The following FCHO1 variants were observed in gnomAD, a reference collection of about 807,000 sequenced individuals.
FCHO1 encodes FCH and mu domain containing endocytic adaptor 1.
FCHO1 carries 45 observed loss-of-function variants against 114.4 expected under a neutral mutation model. That is an observed-to-expected ratio of 0.39 (90% CI 0.31 to 0.50). The LOEUF is 0.50. Ranked by LOEUF, FCHO1 falls within the 20% of genes least tolerant of loss-of-function variation. The pLI, the probability that FCHO1 is intolerant of heterozygous loss-of-function variation, is 0.77. For missense variants in FCHO1, 1,042 were observed against 1,209.6 expected (o/e 0.86, Z 2.06); for synonymous variants, 480 against 488.9 (o/e 0.98, Z 0.24).
intron 4 of FCHO1, among the ~76,000 whole-genome samples, chr19:17,758,040 C>T (rs1368235926): frequency 6.6e-6 from 1 of 151,446 alleles, no homozygotes; most frequent in Non-Finnish European, 1.5e-5. Flanking sequence ...ACAGTGAAAC[C>T]CCGTCTCTAC....
intron 4 of FCHO1, among the ~76,000 whole-genome samples, chr19:17,757,342 C>T (rs2084004397): frequency 6.6e-6 from 1 of 152,144 alleles, no homozygotes; most frequent in Admixed American, 6.6e-5. Flanking sequence ...GGGGGTTTGC[C>T]AGGTCTGGGA....
chr19:17,783,636 A>G (rs1198991812), intron 24 of FCHO1, among the ~76,000 whole-genome samples: 1 of 150,674 alleles, frequency 6.6e-6, no homozygotes, highest in Non-Finnish European at 1.5e-5. Flanking sequence ...GCTGGAGTGC[A>G]GTGGCGTGAT....
intron 4 of FCHO1, 44 bp downstream of exon 4, chr19:17,755,235 T>TGGG: frequency 6.4e-7 from 1 of 1,565,808 alleles, no homozygotes; most frequent in Non-Finnish European, 8.7e-7. Flanking sequence ...GGCAGGGCTG[T>TGGG]GGGGACTTTT....
At chr19:17,787,884 C>T (rs765711386) in intron 28 of FCHO1, 38 bp downstream of exon 28, 31 of 1,593,222 alleles carry the variant, frequency 1.9e-5, no homozygotes, top group Non-Finnish European at 2.2e-5. Flanking sequence ...CCTCAGGAGC[C>T]GAGATCTTAC....
chr19:17,766,862 G>A, intron 7 of FCHO1, 52 bp downstream of exon 7: 1 of 1,583,746 alleles, frequency 6.3e-7, no homozygotes, highest in Non-Finnish European at 8.6e-7. Context: ...AACACCGGCA[G>A]CTCACAGGAC....
Position 17,784,778 on chromosome 19 carries a change from G to T in FCHO1, c.2280G>T (p.Gln760His). ...SVPLQLSAHWQCGATLTQVSV... is the reference protein window; with the variant it reads ...SVPLQLSAHWHCGATLTQVSV... The stretch of plus-strand genomic sequence containing the variant: ...CTCTGCAGCTCAGTGCCCACTGGCA[G>T]TGTGGAGCCACCCTCACCCAGGTCT... Residue 760 changes from glutamine (Q) to histidine (H), a missense_variant, in exon 26 of 29, where the codon CAG becomes CAT. Coordinates refer to ENST00000596536, the MANE Select transcript of FCHO1 (RefSeq NM_015122.3). The surrounding 1 kb of genome is among the most constrained non-coding windows in gnomAD (Gnocchi z 5.3). The T allele has an allele frequency of 6.2e-7, 1 of 1,614,086 alleles. No individual in the cohort carries two copies. The highest frequency in any genetic ancestry group is 8.5e-7 in the Non-Finnish European group (1 of 1,180,026).
chr19:17,753,130 C>A (rs1347544458), intron 1 of FCHO1, among the ~76,000 whole-genome samples: 1 of 151,892 alleles, frequency 6.6e-6, no homozygotes, highest in African/African-American at 2.4e-5. Flanking sequence ...GGTTCCCATG[C>A]CAGTCAGCAC....
intron 1 of FCHO1, among the ~76,000 whole-genome samples, chr19:17,754,055 C>T (rs545953083): frequency 2.6e-4 from 39 of 152,286 alleles, no homozygotes; most frequent in Non-Finnish European, 4.0e-4. Context: ...GGGGAGGCCC[C>T]GGGAGCTTCC....
At position 17,784,690 on chromosome 19, in the gene FCHO1, A is replaced by G. The variant is rs745341776; in HGVS notation, c.2227-35A>G. On this transcript the variant is annotated intron_variant, in intron 25 of 28. Transcript: ENST00000596536. The surrounding 1 kb of genome is among the most constrained non-coding windows in gnomAD (Gnocchi z 5.3). ...TGGTGTGGCAAGACAGGATGGCCCAAGCTGTGTCCTCTCTCTCATTCTCAT... is the reference window on the plus strand; with the variant it reads ...TGGTGTGGCAAGACAGGATGGCCCAGGCTGTGTCCTCTCTCTCATTCTCAT... 4.4e-6 allele frequency: 7 copies of G among 1,603,356 alleles called. No homozygotes were observed. In the African/African-American group the frequency reaches 6.7e-5, roughly 15 times the overall value.
intron 7 of FCHO1, among the ~76,000 whole-genome samples, chr19:17,768,709 C>CAA (rs34106142): frequency 0.011 from 1,248 of 109,598 alleles, 18 homozygotes; most frequent in African/African-American, 0.036. Flanking sequence ...CAAAACAAGG[C>CAA]AAAAAAAAAA....
intron 9 of FCHO1, 135 bp downstream of exon 9, chr19:17,771,031 A>G (rs1384207499): frequency 1.5e-6 from 1 of 658,952 alleles, no homozygotes. Flanking sequence ...AGGCGGGAGG[A>G]TCACCTGAGG....
At chr19:17,750,189 G>A (rs2081544039), upstream of FCHO1, among the ~76,000 whole-genome samples, 1 of 152,158 alleles carries the variant, frequency 6.6e-6, no homozygotes, top group Non-Finnish European at 1.5e-5. Context: ...AATGTGCTGT[G>A]TAACCTTGGG....
At chr19:17,778,361 G>A (rs2092915392) in intron 19 of FCHO1, 133 bp downstream of exon 19, 1 of 828,002 alleles carries the variant, frequency 1.2e-6, no homozygotes, top group Non-Finnish European at 1.9e-6. Context: ...GGGGTGGGCG[G>A]GGCCAGAGTG....
chr19:17,756,384 C>T (rs147245974), intron 4 of FCHO1, among the ~76,000 whole-genome samples: 9 of 152,302 alleles, frequency 5.9e-5, no homozygotes, highest in African/African-American at 1.2e-4. Flanking sequence ...TTTGGAACCC[C>T]GACAGTGGCA....
rs372256567 is a variant in FCHO1 at position 17,781,765 on chromosome 19, A to G, written c.1882A>G (p.Ile628Val). The change falls in exon 23 of 29, where the codon ATA becomes GTA. Residue 628 changes from isoleucine (I) to valine (V), a missense_variant. By Grantham distance (29) the Ile-to-Val change is conservative. Coordinates refer to ENST00000596536, the MANE Select transcript of FCHO1 (RefSeq NM_015122.3). ...VVLGSQDALP[I>V]ATAFTEYVHA... ...CCTGGGCTCCCAGGATGCCCTGCCC[A>G]TAGCCACAGCCTTCACAGAGTATGT... 2.9e-5 allele frequency: 47 copies of G among 1,611,736 alleles called. No homozygotes were observed. Among genetic ancestry groups the G allele is most frequent in the Middle Eastern group, 3.3e-4 (2 of 6,070 alleles).
intron 28 of FCHO1, 67 bp downstream of exon 28, chr19:17,787,913 G>T: frequency 2.6e-6 from 4 of 1,536,294 alleles, no homozygotes; most frequent in Admixed American, 1.9e-5. Flanking sequence ...GCCCCGGGGT[G>T]TGGGGAGGGA....
Position 17,766,747 on chromosome 19 carries a change from G to A in FCHO1, c.273G>A (p.Lys91=). 1 of 1,614,172 alleles carries A rather than the reference G, an allele frequency of 6.2e-7. No homozygotes were observed. The highest frequency in any genetic ancestry group is 8.5e-7 in the Non-Finnish European group (1 of 1,180,022). ...LALCHLELTR[K]LQDLIKDVLR... is the part of the protein sequence containing the mutation. ...TGTGCCACCTGGAACTGACACGGAAGTTACAGGATCTCATCAAGGACGTTC... is the reference window on the plus strand; with the variant it reads ...TGTGCCACCTGGAACTGACACGGAAATTACAGGATCTCATCAAGGACGTTC... Residue 91 remains lysine (K), a synonymous_variant, in exon 7 of 29, where the codon AAG becomes AAA. Coordinates refer to ENST00000596536, the MANE Select transcript of FCHO1 (RefSeq NM_015122.3).
At chr19:17,766,902 G>A (rs2089420732) in intron 7 of FCHO1, 92 bp downstream of exon 7, 1 of 1,326,704 alleles carries the variant, frequency 7.5e-7, no homozygotes, top group South Asian at 1.3e-5. Flanking sequence ...TATAACCTGC[G>A]GATGTCCGCC....
chr19:17,763,908 A>G (rs1296159761), intron 5 of FCHO1, among the ~76,000 whole-genome samples: 1 of 151,878 alleles, frequency 6.6e-6, no homozygotes, highest in Non-Finnish European at 1.5e-5. Flanking sequence ...AAAATCTTCT[A>G]TGAATTTTCA....
Sources: allele counts gnomAD v4.1 joint callset (sites outside exome capture counted in the v4.1 genomes callset), GRCh38; gene constraint gnomAD v4.1.1; non-coding constraint Gnocchi (gnomAD v3.1); transcripts MANE v1.5; gene names NCBI Gene and HGNC (gene_info 2026-07-23, HGNC 2026-07-21).